Variants in TJP1 observed in about 807,000 individuals in gnomAD.
TJP1 encodes tight junction protein ZO-1.
A neutral mutation model predicts 194.2 loss-of-function variants in TJP1; 43 were observed. The observed-to-expected ratio is 0.22, with a 90% CI of 0.17 to 0.29. The LOEUF is 0.29. Ranked by LOEUF, TJP1 falls within the 10% of genes least tolerant of loss-of-function variation. The pLI is 1.00. For missense variants in TJP1, 1,971 were observed against 2,185.7 expected (o/e 0.90, Z 1.96); for synonymous variants, 801 against 779.0 (o/e 1.03, Z -0.47).
intron 8 of TJP1, among the ~76,000 whole-genome samples, chr15:29,758,589 G>A (rs568502622): frequency 1.3e-5 from 2 of 152,172 alleles, no homozygotes; most frequent in East Asian, 3.9e-4. Flanking sequence ...TTCAGATTGC[G>A]TTATTTAAAA....
chr15:29,715,135 C>T (rs1450163634), intron 23 of TJP1, among the ~76,000 whole-genome samples: 6 of 152,134 alleles, frequency 3.9e-5, no homozygotes, highest in Non-Finnish European at 8.8e-5. Flanking sequence ...AAATCCACAT[C>T]TGTTTTTGTT....
chr15:29,765,048 C>G (rs566119681), intron 5 of TJP1, among the ~76,000 whole-genome samples: 1 of 152,056 alleles, frequency 6.6e-6, no homozygotes, highest in African/African-American at 2.4e-5. Flanking sequence ...GCAAAAGATA[C>G]AGAAAGGTGG....
chr15:29,764,869 T>G (rs1047648356), intron 5 of TJP1, among the ~76,000 whole-genome samples: 1 of 151,736 alleles, frequency 6.6e-6, no homozygotes, highest in Admixed American at 6.6e-5. Context: ...GAGAAAGAGG[T>G]TCTGCCATCA....
intron 23 of TJP1, among the ~76,000 whole-genome samples, chr15:29,712,599 T>C (rs2042308033): frequency 1.3e-5 from 2 of 152,156 alleles, no homozygotes; most frequent in South Asian, 4.1e-4. Context: ...TGAAGATAAA[T>C]AAAACACAAT....
intron 1 of TJP1, among the ~76,000 whole-genome samples, chr15:29,805,648 G>T (rs116677510): frequency 6.7e-6 from 1 of 149,732 alleles, no homozygotes; most frequent in Non-Finnish European, 1.5e-5. Flanking sequence ...AACACTAAAT[G>T]GTATTTAGGT....
intron 2 of TJP1, among the ~76,000 whole-genome samples, chr15:29,934,808 C>T (rs1413301391): frequency 1.3e-5 from 2 of 152,160 alleles, no homozygotes; most frequent in East Asian, 3.8e-4. Flanking sequence ...AAGCCATTAG[C>T]TTTGCTATGA....
intron 2 of TJP1, among the ~76,000 whole-genome samples, chr15:29,911,595 T>C (rs927468950): frequency 6.6e-6 from 1 of 151,992 alleles, no homozygotes; most frequent in Non-Finnish European, 1.5e-5. Flanking sequence ...GGGGAGGTGC[T>C]ACACACTTTT....
At chr15:29,931,249 G>A (rs12592270) in intron 2 of TJP1, among the ~76,000 whole-genome samples, 24,081 of 152,156 alleles carry the variant, frequency 0.16, 2,242 homozygotes, top group East Asian at 0.34. Flanking sequence ...TGAGTAGGCT[G>A]CAGAGGAGGA....
chr15:29,886,737 A>G (rs1441222042), intron 2 of TJP1, among the ~76,000 whole-genome samples: 1 of 152,086 alleles, frequency 6.6e-6, no homozygotes, highest in Non-Finnish European at 1.5e-5. Flanking sequence ...ATAATGAGAA[A>G]TATGTAGGAC....
intron 8 of TJP1, among the ~76,000 whole-genome samples, chr15:29,753,221 C>T (rs1289010875): frequency 1.3e-5 from 2 of 151,906 alleles, no homozygotes; most frequent in African/African-American, 2.4e-5. Flanking sequence ...CAGTGGCTCA[C>T]GCCTGTAATC....
chr15:29,926,642 C>G (rs928940745), intron 2 of TJP1, among the ~76,000 whole-genome samples: 2 of 150,690 alleles, frequency 1.3e-5, no homozygotes, highest in Admixed American at 1.3e-4. Flanking sequence ...TATTTGGGGA[C>G]AAGAAATGAA....
At chr15:29,733,872 G>T (rs1382394739) in intron 12 of TJP1, among the ~76,000 whole-genome samples, 3 of 152,154 alleles carry the variant, frequency 2.0e-5, no homozygotes, top group African/African-American at 7.2e-5. Context: ...AGTGAAAATT[G>T]TATCACAGAA....
At chr15:29,759,883 C>T (rs1006728161) in intron 8 of TJP1, 21 of 284,802 alleles carry the variant, frequency 7.4e-5, no homozygotes, top group Middle Eastern at 1.0e-3. Context: ...TTCAGGTTGA[C>T]TCCATACCTT....
At chr15:29,773,575 C>G (rs148353663) in intron 2 of TJP1, among the ~76,000 whole-genome samples, 19 of 152,264 alleles carry the variant, frequency 1.2e-4, no homozygotes, top group African/African-American at 4.6e-4. Flanking sequence ...AAATCGCCAA[C>G]TATATACATG....
chr15:29,903,157 C>T (rs1040374941), intron 2 of TJP1, among the ~76,000 whole-genome samples: 9 of 152,202 alleles, frequency 5.9e-5, no homozygotes, highest in Admixed American at 5.2e-4. Flanking sequence ...TTGGCGGCTT[C>T]TGGCTTGGAG....
At chr15:29,847,102 T>C (rs1049970414) in intron 2 of TJP1, among the ~76,000 whole-genome samples, 1 of 152,142 alleles carries the variant, frequency 6.6e-6, no homozygotes, top group Non-Finnish European at 1.5e-5. Flanking sequence ...TTTTGTTTAC[T>C]TGTTTATTTA....
chr15:29,804,449 G>A (rs1202748087), intron 1 of TJP1, among the ~76,000 whole-genome samples: 1 of 152,038 alleles, frequency 6.6e-6, no homozygotes, highest in Admixed American at 6.6e-5. Flanking sequence ...CTATTTTAAT[G>A]AGCATTCCAT....
At chr15:29,742,381 A>G (rs1043516191) in intron 9 of TJP1, among the ~76,000 whole-genome samples, 10 of 152,210 alleles carry the variant, frequency 6.6e-5, no homozygotes, top group Non-Finnish European at 1.3e-4. Context: ...TTTAAGGAGC[A>G]GTGTTGGAAA....
At chr15:29,893,841 A>G (rs2053391692) in intron 2 of TJP1, among the ~76,000 whole-genome samples, 2 of 152,150 alleles carry the variant, frequency 1.3e-5, no homozygotes. Flanking sequence ...CACCCCCAAG[A>G]TATCCCTATA....
Sources: gnomAD v4.1 joint callset for allele counts (sites outside exome capture counted in the v4.1 genomes callset) on GRCh38, gnomAD v4.1.1 for gene constraint, MANE v1.5 for transcripts, NCBI Gene and HGNC (gene_info 2026-07-23, HGNC 2026-07-21) for gene names.